Variants in FTO observed in about 807,000 individuals in gnomAD.
FTO encodes the protein FTO alpha-ketoglutarate dependent dioxygenase.
A neutral mutation model predicts 63.9 loss-of-function variants in FTO; 47 were observed. The observed-to-expected ratio is 0.74, with a 90% CI of 0.58 to 0.94. The LOEUF (loss-of-function observed/expected upper bound fraction) is 0.94. Ranked by LOEUF, FTO falls within the 40% of genes least tolerant of loss-of-function variation. The pLI is 0.00. For missense variants in FTO, 562 were observed against 618.1 expected (o/e 0.91, Z 0.96); for synonymous variants, 207 against 224.4 (o/e 0.92, Z 0.69).
chr16:54,028,190 C>T (rs1408715033), intron 8 of FTO, among the ~76,000 whole-genome samples: 1 of 152,162 alleles, frequency 6.6e-6, no homozygotes, highest in Non-Finnish European at 1.5e-5. Flanking sequence ...CATTAGTTGA[C>T]AGTCGCTGCA....
chr16:54,057,593 A>G (rs554612583), intron 8 of FTO, among the ~76,000 whole-genome samples: 1 of 151,624 alleles, frequency 6.6e-6, no homozygotes, highest in East Asian at 1.9e-4. Context: ...CATCCCGAGT[A>G]GCTGGGACTA....
At chr16:53,813,796 C>T (rs958974969) in intron 2 of FTO, among the ~76,000 whole-genome samples, 1 of 152,090 alleles carries the variant, frequency 6.6e-6, no homozygotes, top group Admixed American at 6.6e-5. Context: ...ACATGCAATC[C>T]CCACAACAGC....
intron 8 of FTO, among the ~76,000 whole-genome samples, chr16:54,009,574 A>T (rs1400724214): frequency 6.6e-6 from 1 of 152,162 alleles, no homozygotes; most frequent in African/African-American, 2.4e-5. Context: ...GGGTTTTTCC[A>T]GAGATCAGTG....
In FTO at chr16:53,969,935, CGGA is replaced by C. The variant is rs1215432674; in HGVS notation, c.1364+35835_1364+35837del. Among the ~76,000 whole-genome samples, 5 of 152,224 alleles carry C rather than the reference CGGA, an allele frequency of 3.3e-5. No individual in the cohort carries two copies. In the East Asian group the frequency reaches 7.7e-4, roughly 24 times the overall value. On this transcript the variant is annotated intron_variant, in intron 8 of 8. Transcript: ENST00000471389. The stretch of plus-strand genomic sequence containing the variant: ...TGCTCGCCTCTGTAGTTGCTAAGCA[CGGA>C]GGAGGAGGCTAGCCAGGGCCTTGCC...
chr16:53,969,046 T>G (rs2083258814), intron 8 of FTO, among the ~76,000 whole-genome samples: 1 of 152,218 alleles, frequency 6.6e-6, no homozygotes, highest in Non-Finnish European at 1.5e-5. Context: ...TCTGAATGAT[T>G]CTGAGACACT....
chr16:53,977,858 A>ATATTTATT (rs139574882), intron 8 of FTO, among the ~76,000 whole-genome samples: 13,443 of 151,678 alleles, frequency 0.089, 659 homozygotes, highest in African/African-American at 0.1. Flanking sequence ...CTAGAAAGAG[A>ATATTTATT]TATTTATTTA....
chr16:54,066,361 CAACTTTT>C (rs1205427492), intron 8 of FTO, among the ~76,000 whole-genome samples: 5 of 152,144 alleles, frequency 3.3e-5, no homozygotes, highest in Non-Finnish European at 7.3e-5. Flanking sequence ...CCAGCCCTTC[CAACTTTT>C]AGACCGACAC....
At position 53,769,437 on chromosome 16, in the gene FTO, G is replaced by A. The variant is rs182131169; in HGVS notation, c.46-40703G>A. 1.1e-4 allele frequency among the ~76,000 whole-genome samples: 16 copies of A among 152,166 alleles called. No individual in the cohort carries two copies. The East Asian group carries it at 2.5e-3, about 24-fold the overall frequency. ...AATCTGTCAAGTGGGGATAATTATGGTAACCACCACTGAGCATTGTTATGA... is the reference window on the plus strand; with the variant it reads ...AATCTGTCAAGTGGGGATAATTATGATAACCACCACTGAGCATTGTTATGA... On this transcript the variant is annotated intron_variant, in intron 1 of 8. Transcript: ENST00000471389.
In FTO at chr16:53,825,880, C is replaced by G. The variant is rs1288155645; in HGVS notation, c.140C>G (p.Pro47Arg). The G allele has an allele frequency of 1.2e-6, 2 of 1,613,886 alleles. No individual in the cohort carries two copies. Among genetic ancestry groups the G allele is most frequent in the African/African-American group, 2.7e-5 (2 of 75,024 alleles). ...EFYQQWQLKY[P>R]KLILREASSV... ...TTGTTTTAGTGGCAGCTGAAATATC[C>G]TAAACTAATTCTCCGAGAAGCCAGC... Residue 47 changes from proline (P) to arginine (R), a missense_variant, in exon 3 of 9, where the codon CCT becomes CGT. Physicochemically the swap from Pro to Arg is moderately radical, Grantham distance 103 (BLOSUM62 -2). Coordinates refer to ENST00000471389, the MANE Select transcript of FTO (RefSeq NM_001080432.3).
At position 53,709,114 on chromosome 16, in the gene FTO, A is replaced by G. The variant is rs553393907; in HGVS notation, c.45+4885A>G. Among the ~76,000 whole-genome samples the G allele has an allele frequency of 2.1e-4, 32 of 152,320 alleles. 1 individual carries two copies. The South Asian group carries it at 3.3e-3, about 16-fold the overall frequency. ...TTTTAAATTAAACTTTGTCATCCCC[A>G]TAATGGGCACTTAGTTTTTATTTTT... On this transcript the variant is annotated intron_variant, in intron 1 of 8. Coordinates refer to ENST00000471389, the MANE Select transcript of FTO (RefSeq NM_001080432.3).
chr16:54,025,881 C>T (rs1028719535), intron 8 of FTO, among the ~76,000 whole-genome samples: 5 of 152,036 alleles, frequency 3.3e-5, no homozygotes, highest in East Asian at 3.9e-4. Context: ...GGCATGGGGG[C>T]GGGTGCCTGT....
At chr16:53,806,321 T>C (rs1309414405) in intron 1 of FTO, among the ~76,000 whole-genome samples, 1 of 152,208 alleles carries the variant, frequency 6.6e-6, no homozygotes. Context: ...GTAAGACGTT[T>C]ACATAGTGCA....
In FTO at chr16:53,880,029, C is replaced by T. The variant is rs776004923; in HGVS notation, c.1119+42C>T. ...TTTTTTTTTGAGATGGAGTCTCGCT[C>T]TGTCACCCAGGCTGGAGTGCAGCGG... On this transcript the variant is annotated intron_variant, in intron 6 of 8. Transcript: ENST00000471389. 1.1e-5 allele frequency: 17 copies of T among 1,484,242 alleles called. No individual in the cohort carries two copies. In the South Asian group the frequency reaches 1.9e-4, roughly 16 times the overall value. The allele number at this position is 1,484,242 out of a possible 1,614,324, so 91.9% of individuals were successfully genotyped here.
At chr16:54,061,198 C>T (rs904642367) in intron 8 of FTO, among the ~76,000 whole-genome samples, 2 of 152,110 alleles carry the variant, frequency 1.3e-5, no homozygotes, top group African/African-American at 4.8e-5. Flanking sequence ...TTTTTATTTC[C>T]GTTTAGCAGT....
intron 8 of FTO, among the ~76,000 whole-genome samples, chr16:54,037,556 G>A (rs1376826302): frequency 6.6e-6 from 1 of 152,196 alleles, no homozygotes; most frequent in Non-Finnish European, 1.5e-5. Flanking sequence ...AGCATCTAGT[G>A]TATCTTTTAT....
chr16:54,061,182 G>T (rs2085560820), intron 8 of FTO, among the ~76,000 whole-genome samples: 1 of 152,196 alleles, frequency 6.6e-6, no homozygotes, highest in Admixed American at 6.5e-5. Context: ...CGGTGATTCG[G>T]ATGATTTTTT....
chr16:53,925,198 A>G (rs1435060363), intron 7 of FTO, among the ~76,000 whole-genome samples: 2 of 152,142 alleles, frequency 1.3e-5, no homozygotes, highest in African/African-American at 4.8e-5. Flanking sequence ...AGCTGATAAC[A>G]TCTTAAACCA....
At chr16:53,888,259 A>G (rs576578237) in intron 6 of FTO, among the ~76,000 whole-genome samples, 2 of 147,892 alleles carry the variant, frequency 1.4e-5, no homozygotes, top group South Asian at 2.2e-4. Context: ...GCTGGAATGC[A>G]GTGGCACAAT....
intron 1 of FTO, among the ~76,000 whole-genome samples, chr16:53,721,532 T>C (rs1015266584): frequency 1.3e-5 from 2 of 152,330 alleles, no homozygotes; most frequent in East Asian, 3.9e-4. Context: ...CACTGAGATT[T>C]ATTTTTTATT....
Sources: allele counts gnomAD v4.1 joint callset (sites outside exome capture counted in the v4.1 genomes callset), GRCh38; gene constraint gnomAD v4.1.1; transcripts MANE v1.5; gene names NCBI Gene and HGNC (gene_info 2026-07-23, HGNC 2026-07-21).